SUPT3H: variants seen among roughly 807,000 people sequenced by gnomAD.
The protein encoded by SUPT3H is transcription initiation protein SPT3 homolog.
Under a neutral mutation model 44.3 loss-of-function variants are expected in SUPT3H, and 44 were observed. The observed-to-expected ratio is 0.99, with a 90% CI of 0.78 to 1.28. The LOEUF is 1.28. SUPT3H is among the 50% of genes most tolerant of loss of function. The probability of loss-of-function intolerance (pLI) is 0.00; values close to 1 mark genes in which losing one functional copy is unlikely to be tolerated. For synonymous variants in SUPT3H, 124 were observed against 125.6 expected (o/e 0.99, Z 0.09); for missense variants, 380 against 387.1 (o/e 0.98, Z 0.15).
chr6:45,243,541 T>C (rs971178671), intron 2 of SUPT3H, among the ~76,000 whole-genome samples: 1 of 152,172 alleles, frequency 6.6e-6, no homozygotes, highest in African/African-American at 2.4e-5. Context: ...ATCTCATTAA[T>C]ACAAGAGATT....
At chr6:45,345,469 C>A (rs1179073870) in intron 2 of SUPT3H, among the ~76,000 whole-genome samples, 1 of 152,126 alleles carries the variant, frequency 6.6e-6, no homozygotes, top group Non-Finnish European at 1.5e-5. Flanking sequence ...GACTCCTCAA[C>A]CAGGATACAA....
chr6:44,985,091 T>A (rs543730102), intron 6 of SUPT3H, among the ~76,000 whole-genome samples: 1 of 151,350 alleles, frequency 6.6e-6, no homozygotes, highest in East Asian at 1.9e-4. Context: ...GTAATCCTCG[T>A]GTTCTGGGAG....
chr6:45,094,229 T>C (rs1023294771), intron 3 of SUPT3H, among the ~76,000 whole-genome samples: 6 of 152,044 alleles, frequency 3.9e-5, no homozygotes, highest in Non-Finnish European at 8.8e-5. Context: ...AGGATACAAG[T>C]AGCTAGAACT....
chr6:45,116,541 A>G (rs1324032600), intron 2 of SUPT3H, among the ~76,000 whole-genome samples: 1 of 152,136 alleles, frequency 6.6e-6, no homozygotes, highest in East Asian at 1.9e-4. Flanking sequence ...TTGTTCCAGT[A>G]AGTGAAATTC....
chr6:45,233,677 G>C (rs1447052692), intron 2 of SUPT3H, among the ~76,000 whole-genome samples: 3 of 152,096 alleles, frequency 2.0e-5, no homozygotes, highest in African/African-American at 7.2e-5. Flanking sequence ...GTTGGATTCT[G>C]GTGTTCTCTC....
At chr6:45,355,718 A>C (rs1793033290) in intron 2 of SUPT3H, among the ~76,000 whole-genome samples, 1 of 152,238 alleles carries the variant, frequency 6.6e-6, no homozygotes, top group African/African-American at 2.4e-5. Flanking sequence ...TTAGAGATAT[A>C]TAAAAGACAT....
At chr6:45,236,547 C>A (rs1313588527) in intron 2 of SUPT3H, among the ~76,000 whole-genome samples, 1 of 152,052 alleles carries the variant, frequency 6.6e-6, no homozygotes, top group Admixed American at 6.6e-5. Context: ...TGCACCCCCT[C>A]CTTATTTTGA....
rs144464278 is a variant in SUPT3H at position 45,068,691 on chromosome 6, C to T, written c.186+37231G>A. Among the ~76,000 whole-genome samples the T allele has an allele frequency of 2.6e-3, 391 of 152,176 alleles. 3 individuals carry two copies. Among genetic ancestry groups the T allele is most frequent in the African/African-American group, 8.6e-3 (355 of 41,520 alleles). ...GGCTTAGTGAATTGCTGTCAAACAT[C>T]AACTTTGTTACTGTCACTGTGTAGA... On this transcript the variant is annotated intron_variant, in intron 3 of 10. Transcript: ENST00000371459.
chr6:45,198,591 A>G (rs1816472834), intron 2 of SUPT3H, among the ~76,000 whole-genome samples: 1 of 151,434 alleles, frequency 6.6e-6, no homozygotes, highest in African/African-American at 2.4e-5. Flanking sequence ...AATAGCATAT[A>G]ACAATGAATC....
chr6:45,112,215 A>C (rs1800169518), intron 2 of SUPT3H, among the ~76,000 whole-genome samples: 1 of 152,214 alleles, frequency 6.6e-6, no homozygotes, highest in Non-Finnish European at 1.5e-5. Flanking sequence ...CACTGTTATG[A>C]GAAAATCAAA....
intron 10 of SUPT3H, among the ~76,000 whole-genome samples, chr6:44,903,644 C>G (rs1765487301): frequency 6.6e-6 from 1 of 152,144 alleles, no homozygotes. Flanking sequence ...GTATTCCAAT[C>G]AACAGAAAAA....
chr6:44,867,755 G>A (rs1268734436), intron 10 of SUPT3H, among the ~76,000 whole-genome samples: 1 of 152,134 alleles, frequency 6.6e-6, no homozygotes, highest in East Asian at 1.9e-4. Context: ...ATTAGCTGCT[G>A]GCTTAGGCAG....
chr6:45,000,446 A>G (rs1365769768), intron 6 of SUPT3H, among the ~76,000 whole-genome samples: 2 of 152,028 alleles, frequency 1.3e-5, no homozygotes, highest in Non-Finnish European at 2.9e-5. Context: ...TTCTTCTTCA[A>G]TGAGTTTTCT....
chr6:44,940,894 T>C (rs1057421644), intron 9 of SUPT3H, among the ~76,000 whole-genome samples: 18 of 152,160 alleles, frequency 1.2e-4, no homozygotes, highest in African/African-American at 1.7e-4. Flanking sequence ...ACTTTTGCTT[T>C]ATATCTGCAT....
chr6:45,123,374 C>CTT (rs762550266), intron 2 of SUPT3H, among the ~76,000 whole-genome samples: 10 of 142,834 alleles, frequency 7.0e-5, no homozygotes, highest in South Asian at 2.2e-4. Flanking sequence ...TCATTTATTT[C>CTT]TTTTTTTTTT....
In SUPT3H at chr6:45,374,653, T is replaced by A. The variant is rs529494377; in HGVS notation, c.-1+3115A>T. ...TTCTGACGGATTTCACTATTCAACCTCACCATAAAATAAAATCAGTGTTAT... is the reference window on the plus strand; with the variant it reads ...TTCTGACGGATTTCACTATTCAACCACACCATAAAATAAAATCAGTGTTAT... On this transcript the variant is annotated intron_variant, in intron 1 of 10. Coordinates refer to ENST00000371459, the MANE Select transcript of SUPT3H (RefSeq NM_003599.4). Among the ~76,000 whole-genome samples the A allele has an allele frequency of 6.6e-5, 10 of 151,454 alleles. No individual in the cohort carries two copies. The East Asian group carries it at 1.9e-3, about 29-fold the overall frequency.
At chr6:45,208,611 C>A (rs1244722248) in intron 2 of SUPT3H, among the ~76,000 whole-genome samples, 1 of 151,892 alleles carries the variant, frequency 6.6e-6, no homozygotes, top group East Asian at 1.9e-4. Flanking sequence ...GTAGTCCCAG[C>A]TGTTCAGGAC....
intron 2 of SUPT3H, among the ~76,000 whole-genome samples, chr6:45,158,609 G>GGGATACC (rs59636638): frequency 0.58 from 87,532 of 150,730 alleles, 26,278 homozygotes; most frequent in African/African-American, 0.74. Context: ...GGATGACTTG[G>GGGATACC]GGATACCTTT....
At chr6:44,914,959 A>T (rs892076520) in intron 10 of SUPT3H, among the ~76,000 whole-genome samples, 3 of 152,244 alleles carry the variant, frequency 2.0e-5, no homozygotes, top group Admixed American at 6.5e-5. Flanking sequence ...AACAAAGTCA[A>T]GGAAGTAAGA....
Sources: gnomAD v4.1 joint callset for allele counts (sites outside exome capture counted in the v4.1 genomes callset) on GRCh38, gnomAD v4.1.1 for gene constraint, MANE v1.5 for transcripts, NCBI Gene and HGNC (gene_info 2026-07-23, HGNC 2026-07-21) for gene names.